PDE4D: variants seen among roughly 807,000 people sequenced by gnomAD.
The protein encoded by PDE4D is 3',5'-cyclic-AMP phosphodiesterase 4D.
PDE4D carries 24 observed loss-of-function variants against 87.4 expected under a neutral mutation model. The ratio of observed to expected loss-of-function variants is 0.27; its 90% CI spans 0.20 to 0.39. The LOEUF is 0.39. PDE4D is among the 10% of genes least tolerant of loss of function. The pLI is 1.00. For synonymous variants in PDE4D, 384 were observed against 383.2 expected (o/e 1.00, Z -0.02); for missense variants, 714 against 1,041.0 (o/e 0.69, Z 4.32).
intron 1 of PDE4D, among the ~76,000 whole-genome samples, chr5:59,369,475 T>C (rs1783607688): frequency 6.6e-6 from 1 of 152,096 alleles, no homozygotes; most frequent in Non-Finnish European, 1.5e-5. Context: ...GGAAGGCGAT[T>C]CTAGGAAATC....
chr5:60,207,610 ACT>A (rs1019818511), intron 1 of PDE4D, among the ~76,000 whole-genome samples: 5 of 152,252 alleles, frequency 3.3e-5, no homozygotes, highest in African/African-American at 7.2e-5. Context: ...GTATTTTTAC[ACT>A]GTTTTTATAA....
At chr5:59,820,279 G>T (rs1460952417) in intron 1 of PDE4D, among the ~76,000 whole-genome samples, 2 of 152,016 alleles carry the variant, frequency 1.3e-5, no homozygotes, top group Admixed American at 1.3e-4. Flanking sequence ...CTTTTCATTC[G>T]TTTTTATTCA....
chr5:59,028,485 T>C (rs1293114954), intron 6 of PDE4D, among the ~76,000 whole-genome samples: 1 of 150,232 alleles, frequency 6.7e-6, no homozygotes, highest in African/African-American at 2.5e-5. Context: ...GTATGATTCC[T>C]GACTCAGTCG....
intron 5 of PDE4D, among the ~76,000 whole-genome samples, chr5:59,158,993 C>T (rs1453403769): frequency 6.6e-6 from 1 of 152,092 alleles, no homozygotes; most frequent in Non-Finnish European, 1.5e-5. Flanking sequence ...ATTAACACTC[C>T]CAATACAGAA....
chr5:59,991,752 G>A (rs770730386), intron 2 of PDE4D, among the ~76,000 whole-genome samples: 2 of 152,158 alleles, frequency 1.3e-5, no homozygotes, highest in Non-Finnish European at 2.9e-5. Flanking sequence ...GTGAGCCTCT[G>A]TGTACTTATG....
chr5:60,366,568 T>G (rs1423224494), intron 1 of PDE4D, among the ~76,000 whole-genome samples: 2 of 152,204 alleles, frequency 1.3e-5, no homozygotes, highest in Admixed American at 6.5e-5. Context: ...GTAGCCATGA[T>G]GTCAATGAAC....
At chr5:60,100,794 T>C (rs1776140963) in intron 2 of PDE4D, among the ~76,000 whole-genome samples, 1 of 152,130 alleles carries the variant, frequency 6.6e-6, no homozygotes, top group Non-Finnish European at 1.5e-5. Flanking sequence ...ACCATGGGCA[T>C]ATATCAGCTC....
chr5:60,094,372 C>T (rs2013733), intron 2 of PDE4D, among the ~76,000 whole-genome samples: 21,360 of 152,102 alleles, frequency 0.14, 1,556 homozygotes, highest in Middle Eastern at 0.22. Flanking sequence ...TGGTTTAACA[C>T]TGTAGAGAGA....
intron 1 of PDE4D, among the ~76,000 whole-genome samples, chr5:59,754,829 TC>T (rs747841218): frequency 0.011 from 1,329 of 126,508 alleles, 13 homozygotes; most frequent in Non-Finnish European, 0.017. Context: ...TTTTTTTGCA[TC>T]TGTGCAGCTA....
intron 3 of PDE4D, among the ~76,000 whole-genome samples, chr5:59,967,491 T>C (rs1836543): frequency 0.85 from 129,443 of 152,204 alleles, 55,094 homozygotes; most frequent in East Asian, 0.97. Context: ...GGCCAAGAAA[T>C]ATATGAAAAA....
chr5:59,692,389 CTT>C (rs1392744179), intron 1 of PDE4D, among the ~76,000 whole-genome samples: 1 of 152,144 alleles, frequency 6.6e-6, no homozygotes, highest in East Asian at 1.9e-4. Context: ...AAGAAGAACT[CTT>C]AAGTTATGGC....
chr5:58,987,107 C>T (rs954146163), intron 11 of PDE4D, among the ~76,000 whole-genome samples: 3 of 152,248 alleles, frequency 2.0e-5, no homozygotes, highest in African/African-American at 7.2e-5. Context: ...TGCCAGCATG[C>T]ACTGTATTGC....
At chr5:60,193,010 T>A (rs777351690) in intron 1 of PDE4D, among the ~76,000 whole-genome samples, 1 of 152,200 alleles carries the variant, frequency 6.6e-6, no homozygotes, top group African/African-American at 2.4e-5. Flanking sequence ...TTTTTGGGAA[T>A]CTATAGACTG....
At chr5:59,936,035 G>A (rs1176316466) in intron 3 of PDE4D, among the ~76,000 whole-genome samples, 1 of 152,172 alleles carries the variant, frequency 6.6e-6, no homozygotes, top group African/African-American at 2.4e-5. Context: ...TTGCCACACT[G>A]ACTTCCATGA....
chr5:59,582,666 C>A (rs982721217), intron 1 of PDE4D, among the ~76,000 whole-genome samples: 2 of 152,074 alleles, frequency 1.3e-5, no homozygotes, highest in African/African-American at 4.8e-5. Context: ...GAGGAACAAT[C>A]AAACAAATAA....
chr5:59,528,987 G>T, intron 1 of PDE4D: 1 of 458,174 alleles, frequency 2.2e-6, no homozygotes, highest in Non-Finnish European at 4.4e-6. Context: ...TAAGAGCCCA[G>T]CTGAAACAAG....
chr5:59,403,211 C>T (rs12187142), intron 1 of PDE4D, among the ~76,000 whole-genome samples: 26,097 of 151,486 alleles, frequency 0.17, 3,040 homozygotes, highest in African/African-American at 0.32. Flanking sequence ...ATGGGGCCCA[C>T]GAGATATTTT....
chr5:59,536,504 C>CAAAAAAAAAAAAAAAAAAAA (rs10586960), intron 1 of PDE4D, among the ~76,000 whole-genome samples: 9 of 56,374 alleles, frequency 1.6e-4, no homozygotes, highest in African/African-American at 7.5e-4. Flanking sequence ...GACTCAGCCT[C>CAAAAAAAAAAAAAAAAAAAA]AAAAAAAAAA....
chr5:59,248,985 A>G (rs34497390), intron 1 of PDE4D, among the ~76,000 whole-genome samples: 126 of 152,134 alleles, frequency 8.3e-4, no homozygotes, highest in Non-Finnish European at 1.2e-3. Flanking sequence ...GTTACAAAAG[A>G]AAAAAAATCA....
Sources: allele counts gnomAD v4.1 joint callset (sites outside exome capture counted in the v4.1 genomes callset), GRCh38; gene constraint gnomAD v4.1.1; transcripts MANE v1.5; gene names NCBI Gene and HGNC (gene_info 2026-07-23, HGNC 2026-07-21).